The following CADPS variants were observed in gnomAD, a reference collection of about 807,000 sequenced individuals.
CADPS encodes the protein calcium-dependent secretion activator 1.
A neutral mutation model predicts 167.3 loss-of-function variants in CADPS; 57 were observed. The ratio of observed to expected loss-of-function variants is 0.34; its 90% CI spans 0.28 to 0.42. CADPS has a LOEUF of 0.42. Among genes scored for constraint, CADPS ranks in the 20% least tolerant of loss-of-function variants. CADPS has a pLI of 1.00. For missense variants in CADPS, 1,414 were observed against 1,738.1 expected (o/e 0.81, Z 3.32); for synonymous variants, 676 against 635.3 (o/e 1.06, Z -0.96).
intron 8 of CADPS, among the ~76,000 whole-genome samples, chr3:62,581,901 T>G (rs2083503015): frequency 6.6e-6 from 1 of 152,134 alleles, no homozygotes; most frequent in Admixed American, 6.5e-5. Flanking sequence ...AGATGAAAAT[T>G]AGAAAGGCAT....
At chr3:62,745,441 G>T (rs1439872735) in intron 3 of CADPS, among the ~76,000 whole-genome samples, 2 of 152,284 alleles carry the variant, frequency 1.3e-5, no homozygotes, top group East Asian at 3.9e-4. Context: ...GGCAAGCAAA[G>T]TCACTTAAAA....
At chr3:62,741,313 T>C (rs919168089) in intron 3 of CADPS, among the ~76,000 whole-genome samples, 2 of 152,074 alleles carry the variant, frequency 1.3e-5, no homozygotes, top group Admixed American at 6.6e-5. Context: ...CTAGCAGAGA[T>C]GTAGCAAAAA....
rs5849504 is a variant in CADPS, at chr3:62,820,795, G to GTTTTT, written c.441+53789_441+53793dup. 1.2e-4 allele frequency among the ~76,000 whole-genome samples: 17 copies of GTTTTT among 137,986 alleles called. 1 individual carries two copies. Among genetic ancestry groups the GTTTTT allele is most frequent in the African/African-American group, 3.6e-4 (13 of 36,182 alleles). 90.5% of individuals were successfully genotyped at this position (137,986 alleles called of 152,430 possible). On this transcript the variant is annotated intron_variant, in intron 1 of 29. Coordinates refer to ENST00000383710, the MANE Select transcript of CADPS (RefSeq NM_003716.4). ...TTACTCTTTCTTCCTCTTTTTTTTG[G>GTTTTT]TTTTTTTTTTTTTTCTGTCTTTTCG...
rs577126616 is a variant in CADPS, at chr3:62,652,065, G to T, written c.970-985C>A. Among the ~76,000 whole-genome samples, 135 of 152,242 alleles carry T rather than the reference G, an allele frequency of 8.9e-4. 1 individual carries two copies. Among genetic ancestry groups the T allele is most frequent in the African/African-American group, 3.2e-3 (135 of 41,558 alleles). ...AAATCTTGGCTTTGGTTCCTCTGGGGTGGCTTCATGCTCAGTTTGGCTCCC... is the reference window on the plus strand; with the variant it reads ...AAATCTTGGCTTTGGTTCCTCTGGGTTGGCTTCATGCTCAGTTTGGCTCCC... On this transcript the variant is annotated intron_variant, in intron 4 of 29. Coordinates refer to ENST00000383710, the MANE Select transcript of CADPS (RefSeq NM_003716.4).
intron 8 of CADPS, among the ~76,000 whole-genome samples, chr3:62,577,184 C>A (rs963610927): frequency 8.5e-5 from 13 of 152,110 alleles, no homozygotes; most frequent in Non-Finnish European, 1.5e-4. Flanking sequence ...GCACCCATGG[C>A]AATGCTTGTA....
At chr3:62,528,477 CTTTA>C (rs1451182629) in intron 13 of CADPS, among the ~76,000 whole-genome samples, 1 of 152,158 alleles carries the variant, frequency 6.6e-6, no homozygotes, top group African/African-American at 2.4e-5. Context: ...TTTAATTAAA[CTTTA>C]TTTATGATTA....
intron 4 of CADPS, among the ~76,000 whole-genome samples, chr3:62,657,414 G>A (rs780177432): frequency 8.6e-5 from 13 of 151,964 alleles, no homozygotes; most frequent in Non-Finnish European, 1.2e-4. Flanking sequence ...ACTAAAATTC[G>A]GCCAAAAGAA....
chr3:62,602,171 A>T lies in CADPS; in HGVS notation c.1326-9423T>A, dbSNP rs1428645875. On this transcript the variant is annotated intron_variant, in intron 6 of 29. Transcript: ENST00000383710. This position sits in a 1 kb window ranked among gnomAD's most constrained non-coding sequence, Gnocchi z 4.4. ...TGCAAACCTTTGACAACAGAGTGAT[A>T]TTTACGAATGCATATGTGAGTAAGC... 6.6e-6 allele frequency among the ~76,000 whole-genome samples: 1 copy of T among 150,548 alleles called. No individual in the cohort carries two copies. Among genetic ancestry groups the T allele is most frequent in the South Asian group, 2.1e-4 (1 of 4,762 alleles).
intron 4 of CADPS, among the ~76,000 whole-genome samples, chr3:62,655,397 A>G (rs1376408932): frequency 1.3e-5 from 2 of 152,220 alleles, no homozygotes; most frequent in Non-Finnish European, 2.9e-5. Context: ...TATGAGAAAC[A>G]TAGCGTATGG....
intron 5 of CADPS, among the ~76,000 whole-genome samples, chr3:62,647,866 CTG>C (rs2068950490): frequency 6.6e-6 from 1 of 152,204 alleles, no homozygotes. Flanking sequence ...TGAGGATTCA[CTG>C]TGTTATGATG....
intron 28 of CADPS, among the ~76,000 whole-genome samples, chr3:62,425,892 A>T (rs2149498928): frequency 1.3e-5 from 2 of 152,248 alleles, no homozygotes; most frequent in South Asian, 4.2e-4. Flanking sequence ...CAAATCCTGG[A>T]CATCTGTAGA....
chr3:62,471,419 A>AT (rs1307288916), intron 24 of CADPS, among the ~76,000 whole-genome samples: 1 of 151,862 alleles, frequency 6.6e-6, no homozygotes, highest in Non-Finnish European at 1.5e-5. Context: ...ATATGAAAGT[A>AT]TTTTTTTCCC....
chr3:62,872,734 C>T (rs934085657), intron 1 of CADPS, among the ~76,000 whole-genome samples: 7 of 152,140 alleles, frequency 4.6e-5, no homozygotes, highest in Admixed American at 1.3e-4. Context: ...ATTTCTTTCT[C>T]CATGCTAGCT....
chr3:62,626,476 C>A (rs751541058), intron 6 of CADPS: 53 of 701,754 alleles, frequency 7.6e-5, no homozygotes, highest in Non-Finnish European at 5.5e-5. Flanking sequence ...TCTTCAAGCA[C>A]AAATCTTGTA....
In CADPS at chr3:62,399,704, C is replaced by A; in HGVS notation, c.3883-119G>T. ...CTTCAGCTAAATATCACACTTTATG[C>A]ATTGTCAAATAAAAAGCCACTGTGC... On this transcript the variant is annotated intron_variant, in intron 29 of 29. Transcript: ENST00000383710. The surrounding 1 kb of genome is among the most constrained non-coding windows in gnomAD (Gnocchi z 5.6). The A allele has an allele frequency of 8.3e-6, 6 of 722,376 alleles. No homozygotes were observed. The highest frequency in any genetic ancestry group is 7.7e-5 in the East Asian group (3 of 38,972). 44.7% of individuals were successfully genotyped at this position (722,376 alleles called of 1,614,324 possible). A position where few individuals can be genotyped will look rare whatever the true frequency, so the allele number is the denominator to read the frequency against.
intron 24 of CADPS, among the ~76,000 whole-genome samples, chr3:62,471,728 C>T (rs896444690): frequency 1.3e-5 from 2 of 152,090 alleles, no homozygotes; most frequent in African/African-American, 4.8e-5. Context: ...TTAGAAAACT[C>T]AGTTAAAATG....
intron 2 of CADPS, among the ~76,000 whole-genome samples, chr3:62,764,884 T>C (rs1204031748): frequency 6.6e-6 from 1 of 152,242 alleles, no homozygotes; most frequent in African/African-American, 2.4e-5. Flanking sequence ...TGTTACATTT[T>C]TCTTATACCT....
At chr3:62,859,034 A>G (rs190674612) in intron 1 of CADPS, among the ~76,000 whole-genome samples, 7 of 152,302 alleles carry the variant, frequency 4.6e-5, no homozygotes, top group Admixed American at 4.6e-4. Context: ...AAGGATAGTA[A>G]TTAGAGAAAG....
In CADPS at chr3:62,834,410, T is replaced by C. The variant is rs539424943; in HGVS notation, c.441+40179A>G. ...AATTAGAACTAGACCCTTGGTCCTC[T>C]GAGTTCCTGTAAATCAAGTGGGTAC... On this transcript the variant is annotated intron_variant, in intron 1 of 29. Transcript: ENST00000383710. Among the ~76,000 whole-genome samples, 85 of 152,312 alleles carry C rather than the reference T, an allele frequency of 5.6e-4. 1 individual carries two copies. The South Asian group carries it at 0.011, about 20-fold the overall frequency.
Sources: gnomAD v4.1 joint callset for allele counts (sites outside exome capture counted in the v4.1 genomes callset) on GRCh38, gnomAD v4.1.1 for gene constraint, Gnocchi (gnomAD v3.1) non-coding constraint, MANE v1.5 for transcripts, NCBI Gene and HGNC (gene_info 2026-07-23, HGNC 2026-07-21) for gene names.